The following OPA1 variants were observed in gnomAD, a reference collection of about 807,000 sequenced individuals.
OPA1 encodes OPA1 mitochondrial dynamin like GTPase.
Under a neutral mutation model 152.9 loss-of-function variants are expected in OPA1, and 59 were observed. The observed-to-expected ratio is 0.39, with a 90% CI of 0.31 to 0.48. The LOEUF is 0.48. Among genes scored for constraint, OPA1 ranks in the 20% least tolerant of loss-of-function variants. The probability of loss-of-function intolerance (pLI) is 0.96; values close to 1 mark genes in which losing one functional copy is unlikely to be tolerated. For missense variants in OPA1, 1,008 were observed against 1,216.8 expected, an observed-to-expected ratio of 0.83 and a Z score of 2.55; for synonymous variants, 400 against 389.9, an observed-to-expected ratio of 1.03 and a Z score of -0.31.
intron 16 of OPA1, among the ~76,000 whole-genome samples, chr3:193,644,913 T>G (rs934446945): frequency 1.2e-4 from 18 of 152,272 alleles, no homozygotes; most frequent in African/African-American, 4.3e-4. Context: ...CCATTATTAA[T>G]CTGAATGGGC....
intron 29 of OPA1, among the ~76,000 whole-genome samples, chr3:193,679,743 G>A (rs1228509923): frequency 6.6e-6 from 1 of 152,030 alleles, no homozygotes; most frequent in Non-Finnish European, 1.5e-5. Flanking sequence ...CAATGAATTT[G>A]CCTCCTAAAG....
chr3:193,655,797 C>T (rs566348840), intron 22 of OPA1, among the ~76,000 whole-genome samples: 10 of 152,260 alleles, frequency 6.6e-5, no homozygotes, highest in Non-Finnish European at 1.0e-4. Context: ...CCATAAACAG[C>T]GATTGTTCAA....
Position 193,647,070 on chromosome 3 carries a change from G to A in OPA1, c.1760G>A (p.Ser587Asn), listed in dbSNP as rs1368090328. 37 of 1,604,976 alleles carry A rather than the reference G, an allele frequency of 2.3e-5. No homozygotes were observed. The highest frequency in any genetic ancestry group is 3.0e-5 in the Non-Finnish European group (35 of 1,173,746). Residue 587 changes from serine (S) to asparagine (N), a missense_variant, in exon 19 of 31, where the codon AGC becomes AAC. By Grantham distance (46) the Ser-to-Asn change is conservative. Around this residue, in one of 7 missense-constraint regions of OPA1, gnomAD observed 213 missense variants for 291.4 expected, o/e 0.73. Coordinates refer to ENST00000361510, the MANE Select transcript of OPA1 (RefSeq NM_130837.3). ...FFQNSKLLKT[S>N]MLKAHQVTTR... The stretch of plus-strand genomic sequence containing the variant: ...TTGTTATTTTTTTTTAATAGGACAA[G>A]CATGCTAAAGGCACACCAAGTGACT...
At chr3:193,602,105 T>C (rs1307340853) in intron 1 of OPA1, among the ~76,000 whole-genome samples, 1 of 152,210 alleles carries the variant, frequency 6.6e-6, no homozygotes, top group East Asian at 1.9e-4. Context: ...AGAGAAGTCT[T>C]GATCTGTGAT....
intron 8 of OPA1, among the ~76,000 whole-genome samples, chr3:193,632,573 A>G (rs976956318): frequency 1.6e-4 from 24 of 152,178 alleles, no homozygotes; most frequent in Admixed American, 1.6e-3. Context: ...TTTAAAGTTC[A>G]AAGAGTTACT....
At position 193,667,295 on chromosome 3, in the gene OPA1, C is replaced by T. The variant is rs1027672722; in HGVS notation, c.2983+15C>T. 8 of 1,097,420 alleles carry T rather than the reference C, an allele frequency of 7.3e-6. No individual in the cohort carries two copies. The highest frequency in any genetic ancestry group is 9.9e-6 in the Non-Finnish European group (7 of 707,692). 68.0% of individuals were successfully genotyped at this position (1,097,420 alleles called of 1,614,324 possible). On this transcript the variant is annotated intron_variant, in intron 29 of 30. Coordinates refer to ENST00000361510, the MANE Select transcript of OPA1 (RefSeq NM_130837.3). ...GGAAGACCTCAGTGAGTAGTTCTTA[C>T]TGCCCTCTACCTTACTACCTTTCCA... is the stretch of plus-strand genomic sequence containing the variant.
intron 29 of OPA1, among the ~76,000 whole-genome samples, chr3:193,669,291 T>C (rs1050965202): frequency 1.3e-5 from 2 of 152,224 alleles, no homozygotes; most frequent in Admixed American, 1.3e-4. Flanking sequence ...CTCCTTTCCT[T>C]TTCTTTCTTC....
At chr3:193,666,553 C>T (rs768416888) in intron 28 of OPA1, among the ~76,000 whole-genome samples, 164 bp downstream of exon 28, 13 of 152,036 alleles carry the variant, frequency 8.6e-5, no homozygotes, top group Non-Finnish European at 1.6e-4. Flanking sequence ...GTTGAGAGGC[C>T]GAGGCAGGAA....
chr3:193,664,812 C>T (rs917743730), intron 26 of OPA1, 68 bp from the exon 27 acceptor site: 2 of 866,162 alleles, frequency 2.3e-6, no homozygotes, highest in Non-Finnish European at 3.9e-6. Flanking sequence ...TTTTGTACAA[C>T]TTCTCAGTGT....
intron 29 of OPA1, chr3:193,667,553 C>T: frequency 2.6e-6 from 1 of 390,278 alleles, no homozygotes; most frequent in South Asian, 2.1e-5. Flanking sequence ...TGCCTATAGT[C>T]CCAGCTACTT....
intron 29 of OPA1, chr3:193,668,821 C>G: frequency 8.7e-7 from 1 of 1,146,656 alleles, no homozygotes; most frequent in African/African-American, 1.6e-5. Flanking sequence ...TTGTAGGTTC[C>G]TAGCTTTAAG....
chr3:193,666,529 T>C lies in OPA1; in HGVS notation c.2872+140T>C, dbSNP rs1289681404. 5.4e-6 allele frequency: 4 copies of C among 746,302 alleles called. No homozygotes were observed. In the African/African-American group the frequency reaches 7.0e-5, roughly 13 times the overall value. The allele number at this position is 746,302 out of a possible 1,614,324, so 46.2% of individuals were successfully genotyped here. ...CTGGCCAGGTGTGGTAGCTCATGCC[T>C]GTAATCTCAGCATGTTGAGAGGCCG... On this transcript the variant is annotated intron_variant, in intron 28 of 30. Coordinates refer to ENST00000361510, the MANE Select transcript of OPA1 (RefSeq NM_130837.3).
At chr3:193,676,103 T>G (rs1234320643) in intron 29 of OPA1, among the ~76,000 whole-genome samples, 1 of 152,250 alleles carries the variant, frequency 6.6e-6, no homozygotes. Context: ...AATGCCAGTC[T>G]ACCCAGTTCA....
intron 29 of OPA1, among the ~76,000 whole-genome samples, chr3:193,683,166 G>T (rs1214582865): frequency 6.6e-6 from 1 of 152,196 alleles, no homozygotes; most frequent in East Asian, 1.9e-4. Flanking sequence ...CTGCAGATAT[G>T]GTAGAGACAG....
chr3:193,599,412 T>TG (rs1288659921), intron 1 of OPA1, among the ~76,000 whole-genome samples: 7 of 151,820 alleles, frequency 4.6e-5, no homozygotes, highest in Admixed American at 2.6e-4. Flanking sequence ...TTTTTTTTTT[T>TG]GTACTTTTTT....
intron 1 of OPA1, 40 bp downstream of exon 1, chr3:193,593,449 C>T (rs1250405668): frequency 2.0e-6 from 3 of 1,501,674 alleles, no homozygotes; most frequent in East Asian, 2.6e-5. Flanking sequence ...AATTCTGGGG[C>T]CTCTTGAGAG....
intron 1 of OPA1, chr3:193,596,989 C>G (rs1162538730): frequency 6.6e-6 from 1 of 152,188 alleles, no homozygotes; most frequent in African/African-American, 2.4e-5. Context: ...ATGATGGTGA[C>G]AGAGAGTGGT....
chr3:193,677,496 T>C (rs1214339455), intron 29 of OPA1, among the ~76,000 whole-genome samples: 3 of 152,082 alleles, frequency 2.0e-5, no homozygotes, highest in Non-Finnish European at 4.4e-5. Flanking sequence ...AATGTAGTAA[T>C]TGAAAACCTA....
At chr3:193,607,341 C>T (rs1727447974) in intron 1 of OPA1, among the ~76,000 whole-genome samples, 1 of 152,194 alleles carries the variant, frequency 6.6e-6, no homozygotes, top group Admixed American at 6.5e-5. Flanking sequence ...AGTCCTTGGC[C>T]ATGCCTATGT....
Sources: gnomAD v4.1 joint callset for allele counts (sites outside exome capture counted in the v4.1 genomes callset) on GRCh38, gnomAD v4.1.1 for gene constraint, gnomAD v4.1.1 regional missense constraint, MANE v1.5 for transcripts, NCBI Gene and HGNC (gene_info 2026-07-23, HGNC 2026-07-21) for gene names.